Variants in CYP4V2 observed in about 807,000 individuals in gnomAD.
CYP4V2 encodes the protein cytochrome P450 family 4 subfamily V member 2.
CYP4V2 carries 55 observed loss-of-function variants against 60.8 expected under a neutral mutation model. The observed-to-expected ratio is 0.90, with a 90% CI of 0.73 to 1.13. The LOEUF is 1.13. Among genes scored for constraint, CYP4V2 ranks in the 50% most tolerant of loss-of-function variants. The pLI is 0.00. For missense variants in CYP4V2, 675 were observed against 662.9 expected (o/e 1.02, Z -0.20); for synonymous variants, 239 against 236.8 (o/e 1.01, Z -0.08).
chr4:186,206,755 G>T (rs994271040), intron 8 of CYP4V2, among the ~76,000 whole-genome samples: 10 of 152,192 alleles, frequency 6.6e-5, no homozygotes, highest in Admixed American at 1.3e-4. Flanking sequence ...TGTGCAGATT[G>T]TGCTGGGACT....
chr4:186,205,206 G>A lies in CYP4V2; in HGVS notation c.994G>A (p.Asp332Asn), dbSNP rs1341197524. ...EVDTFMFEGH[D>N]TTAAAINWSL... ...TTGTTTTCTGCATTTGTAGGGGCAC[G>A]ATACAACTGCAGCTGCAATAAACTG... The change falls in exon 8 of 11, where the codon GAT becomes AAT. Residue 332 changes from aspartate (D) to asparagine (N), a missense_variant. By Grantham distance (23) the Asp-to-Asn change is conservative (BLOSUM62 1). Coordinates refer to ENST00000378802, the MANE Select transcript of CYP4V2 (RefSeq NM_207352.4). The A allele has an allele frequency of 1.9e-6, 3 of 1,614,120 alleles. No homozygotes were observed. The highest frequency in any genetic ancestry group is 1.1e-5 in the South Asian group (1 of 91,094).
At chr4:186,208,522 TGA>T (rs2126600014) in intron 8 of CYP4V2, among the ~76,000 whole-genome samples, 1 of 111,052 alleles carries the variant, frequency 9.0e-6, no homozygotes, top group East Asian at 2.8e-4. Context: ...ACGTGTTCTT[TGA>T]TGGGTATTTG....
At chr4:186,207,981 G>T (rs1170368952) in intron 8 of CYP4V2, among the ~76,000 whole-genome samples, 1 of 152,224 alleles carries the variant, frequency 6.6e-6, no homozygotes, top group African/African-American at 2.4e-5. Flanking sequence ...TTTAGCTGTG[G>T]CTATTTAGCA....
At chr4:186,200,140 T>G (rs1196780172) in intron 6 of CYP4V2, among the ~76,000 whole-genome samples, 1 of 152,178 alleles carries the variant, frequency 6.6e-6, no homozygotes, top group Non-Finnish European at 1.5e-5. Flanking sequence ...GAATAGACAA[T>G]TTTATTCATT....
intron 10 of CYP4V2, 122 bp downstream of exon 10, chr4:186,209,394 GT>G (rs1448668659): frequency 7.9e-7 from 1 of 1,262,230 alleles, no homozygotes; most frequent in African/African-American, 1.5e-5. Flanking sequence ...AAAAAAATAG[GT>G]GGTTTCTTTT....
In CYP4V2 at chr4:186,197,075, A is replaced by C. The variant is rs765599061; in HGVS notation, c.549A>C (p.Gln183His). ...AGAAACTTGAAAAACACATTAACCA[A>C]GAAGCATTTAACTGCTTTTTTTACA... is the stretch of plus-strand genomic sequence containing the variant. ...LVKKLEKHIN[Q>H]EAFNCFFYIT... The change falls in exon 4 of 11, where the codon CAA becomes CAC. Residue 183 changes from glutamine to histidine, a missense_variant. Transcript: ENST00000378802. 5.0e-6 allele frequency: 8 copies of C among 1,613,848 alleles called. No homozygotes were observed. In the South Asian group the frequency reaches 8.8e-5, roughly 18 times the overall value.
Position 186,209,011 on chromosome 4 carries a change from A to G in CYP4V2, c.1225+12A>G, listed in dbSNP as rs776683004. The G allele has an allele frequency of 1.9e-6, 3 of 1,614,070 alleles. No homozygotes were observed. In the East Asian group the frequency reaches 6.7e-5, roughly 36 times the overall value. ...AGATTGTGAAGTGGGTAAGTATGCT[A>G]TACCTAAAGTAGAAGGGAGAGGGAA... On this transcript the variant is annotated intron_variant, in intron 9 of 10. Coordinates refer to ENST00000378802, the MANE Select transcript of CYP4V2 (RefSeq NM_207352.4).
rs1211943359 is a variant in CYP4V2, at chr4:186,197,095, T to G, written c.569T>G (p.Phe190Cys). The change falls in exon 4 of 11, where the codon TTT becomes TGT. Residue 190 changes from phenylalanine to cysteine, a missense_variant. Physicochemically the swap from Phe to Cys is radical, Grantham distance 205. Coordinates refer to ENST00000378802, the MANE Select transcript of CYP4V2 (RefSeq NM_207352.4). ...HINQEAFNCFFYITLCALDII... is the reference protein window; with the variant it reads ...HINQEAFNCFCYITLCALDII... The stretch of plus-strand genomic sequence containing the variant: ...AACCAAGAAGCATTTAACTGCTTTT[T>G]TTACATCACTCTTTGTGCCTTAGAT... 6.2e-7 allele frequency: 1 copy of G among 1,614,008 alleles called. No homozygotes were observed. Among genetic ancestry groups the G allele is most frequent in the East Asian group, 2.2e-5 (1 of 44,888 alleles).
At position 186,212,770 on chromosome 4, in the gene CYP4V2, A is replaced by C. The variant is rs1561440876; in HGVS notation, c.*2129A>C. On this transcript the variant is annotated 3_prime_UTR_variant, in exon 11 of 11. Transcript: ENST00000378802. ...AGGTTGCAAACCAAAGCCATTTGGC[A>C]AGCCCTGTAGCCTGGGCCATTTAAG... 6.6e-6 allele frequency: 1 copy of C among 152,248 alleles called. No individual in the cohort carries two copies. Among genetic ancestry groups the C allele is most frequent in the East Asian group, 1.9e-4 (1 of 5,196 alleles). 9.4% of individuals were successfully genotyped at this position (152,248 alleles called of 1,614,324 possible). A position where few individuals can be genotyped will look rare whatever the true frequency, so the allele number is the denominator to read the frequency against.
Position 186,209,221 on chromosome 4 carries a change from C to G in CYP4V2, c.1354C>G (p.Arg452Gly). 1 of 1,613,968 alleles carries G rather than the reference C, an allele frequency of 6.2e-7. No individual in the cohort carries two copies. Among genetic ancestry groups the G allele is most frequent in the Non-Finnish European group, 8.5e-7 (1 of 1,180,012 alleles). Residue 452 changes from arginine (R) to glycine (G), a missense_variant, in exon 10 of 11, where the codon CGC (arginine) becomes GGC (glycine). Coordinates refer to ENST00000378802, the MANE Select transcript of CYP4V2 (RefSeq NM_207352.4). The part of the protein sequence containing the change: ...ERFFPENAQG[R>G]HPYAYVPFSA... ...GTTCTTCCCCGAGAATGCACAAGGG[C>G]GCCATCCATATGCCTACGTGCCCTT...
rs1053098256 is a variant in CYP4V2, at chr4:186,195,126, G to A, written c.327+514G>A. On this transcript the variant is annotated intron_variant, in intron 2 of 10. Transcript: ENST00000378802. The surrounding 1 kb of genome is among the most constrained non-coding windows in gnomAD (Gnocchi z 4.1). ...GTCTTTTTACTTGTTGAAAGGTCTG[G>A]GGAAATCATCTTGTAGTATGGTGAG... is the stretch of plus-strand genomic sequence containing the variant. Among the ~76,000 whole-genome samples the A allele has an allele frequency of 2.0e-5, 3 of 152,130 alleles. No homozygotes were observed.
At position 186,210,659 on chromosome 4, in the gene CYP4V2, G is replaced by A. The variant is rs72646299; in HGVS notation, c.*18G>A. On this transcript the variant is annotated 3_prime_UTR_variant, in exon 11 of 11. Coordinates refer to ENST00000378802, the MANE Select transcript of CYP4V2 (RefSeq NM_207352.4). ...AACGCTAACTATATTATTGGGTTGT[G>A]CCTTTATCATGAGAAAGGTCTTTAT... is the stretch of plus-strand genomic sequence containing the variant. 181 of 1,613,830 alleles carry A rather than the reference G, an allele frequency of 1.1e-4. No individual in the cohort carries two copies. The African/African-American group carries it at 2.3e-3, about 20-fold the overall frequency.
rs771394040 is a variant in CYP4V2 at position 186,208,939 on chromosome 4, CT to C, written c.1167del (p.Arg390AlafsTer25). On this transcript the variant is annotated frameshift_variant, in exon 9 of 11. Coordinates refer to ENST00000378802, the MANE Select transcript of CYP4V2 (RefSeq NM_207352.4). LOFTEE classifies it high-confidence loss of function. ...RYLECVIKETLRLFPSVPLFA... is the reference protein window; with the variant it reads ...RYLECVIKETXRLFPSVPLFA... ...TCTGGAATGTGTTATTAAGGAGACC[CT>C]TCGCCTTTTTCCTTCTGTTCCTTTA... 17 of 1,614,060 alleles carry C rather than the reference CT, an allele frequency of 1.1e-5. No individual in the cohort carries two copies.
At chr4:186,198,530 G>T (rs1736219753) in intron 5 of CYP4V2, among the ~76,000 whole-genome samples, 1 of 152,202 alleles carries the variant, frequency 6.6e-6, no homozygotes, top group Admixed American at 6.5e-5. Context: ...TGACAGATGG[G>T]TACTTAGAGA....
Position 186,210,889 on chromosome 4 carries a change from T to C in CYP4V2, c.*248T>C. 2.4e-6 allele frequency: 1 copy of C among 417,542 alleles called. No homozygotes were observed. Among genetic ancestry groups the C allele is most frequent in the South Asian group, 2.3e-5 (1 of 43,578 alleles). The allele number at this position is 417,542 out of a possible 1,614,324, so 25.9% of individuals were successfully genotyped here. A position where few individuals can be genotyped will look rare whatever the true frequency, so the allele number is the denominator to read the frequency against. On this transcript the variant is annotated 3_prime_UTR_variant, in exon 11 of 11. Transcript: ENST00000378802. ...CACTCTGTCGCCCAGGCTGGAGGAG[T>C]GCAGTGGTGTGATCTCAGCTCACTG... is the stretch of plus-strand genomic sequence containing the variant.
At position 186,196,997 on chromosome 4, in the gene CYP4V2, C is replaced by T. The variant is rs1252224209; in HGVS notation, c.471C>T (p.Thr157=). The change falls in exon 4 of 11, where the codon ACC becomes ACT. Residue 157 remains threonine (T), a synonymous_variant. Coordinates refer to ENST00000378802, the MANE Select transcript of CYP4V2 (RefSeq NM_207352.4). ...RKMLTPTFHF[T]ILEDFLDIMN... Reference sequence around the variant, plus strand: ...TGTTAACACCCACTTTCCATTTTACCATTCTGGAAGATTTCTTAGATATCA... The same window carrying T: ...TGTTAACACCCACTTTCCATTTTACTATTCTGGAAGATTTCTTAGATATCA... The T allele has an allele frequency of 1.2e-6, 2 of 1,613,774 alleles. No homozygotes were observed. The highest frequency in any genetic ancestry group is 1.7e-6 in the Non-Finnish European group (2 of 1,180,012).
At position 186,195,385 on chromosome 4, in the gene CYP4V2, T is replaced by C. The variant is rs1486197070; in HGVS notation, c.328-618T>C. Among the ~76,000 whole-genome samples the C allele has an allele frequency of 1.3e-5, 2 of 152,192 alleles. No individual in the cohort carries two copies. Among genetic ancestry groups the C allele is most frequent in the Non-Finnish European group, 2.9e-5 (2 of 68,030 alleles). On this transcript the variant is annotated intron_variant, in intron 2 of 10. Transcript: ENST00000378802. This position sits in a 1 kb window ranked among gnomAD's most constrained non-coding sequence, Gnocchi z 4.1. ...TGTTAATAGAAGTTGGTGTGGTGGA[T>C]GCAGATGGAGATCTGTCCAGAGTAG... is the stretch of plus-strand genomic sequence containing the variant.
At chr4:186,201,469 A>G (rs1291773997) in intron 7 of CYP4V2, 127 bp downstream of exon 7, 1 of 1,150,474 alleles carries the variant, frequency 8.7e-7, no homozygotes, top group Non-Finnish European at 1.2e-6. Context: ...TTATATTTTA[A>G]TTAGAAATTA....
chr4:186,212,312 A>G lies in CYP4V2; in HGVS notation c.*1671A>G, dbSNP rs2126606375. The stretch of plus-strand genomic sequence containing the variant: ...CCATCTTTAAAGGAAAAAGGAAGCC[A>G]TTCATCTATATTTAGTAACCCAGTA... On this transcript the variant is annotated 3_prime_UTR_variant, in exon 11 of 11. Coordinates refer to ENST00000378802, the MANE Select transcript of CYP4V2 (RefSeq NM_207352.4). 1 of 152,276 alleles carries G rather than the reference A, an allele frequency of 6.6e-6. No individual in the cohort carries two copies. The highest frequency in any genetic ancestry group is 2.1e-4 in the South Asian group (1 of 4,832). 9.4% of individuals were successfully genotyped at this position (152,276 alleles called of 1,614,324 possible). A position where few individuals can be genotyped will look rare whatever the true frequency, so the allele number is the denominator to read the frequency against.
Sources: allele counts gnomAD v4.1 joint callset (sites outside exome capture counted in the v4.1 genomes callset), GRCh38; gene constraint gnomAD v4.1.1; non-coding constraint Gnocchi (gnomAD v3.1); transcripts MANE v1.5; gene names NCBI Gene and HGNC (gene_info 2026-07-23, HGNC 2026-07-21).